Variants in PALS1 observed in about 807,000 individuals in gnomAD.
PALS1 encodes protein associated with LIN7 1, MAGUK p55 family member, also known as protein PALS1.
PALS1 carries 31 observed loss-of-function variants against 78.9 expected under a neutral mutation model. That is an observed-to-expected ratio of 0.39 (90% confidence interval 0.30 to 0.53). The LOEUF (loss-of-function observed/expected upper bound fraction) is 0.53, where lower values mean the gene tolerates loss of function less well. Ranked by LOEUF, PALS1 falls within the 20% of genes least tolerant of loss-of-function variation. The probability of loss-of-function intolerance (pLI) is 0.67; values close to 1 mark genes in which losing one functional copy is unlikely to be tolerated. For missense variants in PALS1, 704 were observed against 826.5 expected (o/e 0.85, Z 1.82); for synonymous variants, 276 against 270.9 (o/e 1.02, Z -0.18).
At chr14:67,243,865 A>G (rs1044800028) in intron 1 of PALS1, among the ~76,000 whole-genome samples, 4 of 152,176 alleles carry the variant, frequency 2.6e-5, no homozygotes, top group Admixed American at 6.5e-5. Flanking sequence ...TAGTGGTTAT[A>G]TAGTCTAACC....
At chr14:67,332,366 T>C (rs2085463593) in intron 14 of PALS1, among the ~76,000 whole-genome samples, 1 of 152,140 alleles carries the variant, frequency 6.6e-6, no homozygotes, top group Non-Finnish European at 1.5e-5. Context: ...CAAAAGTAAA[T>C]GGCATTTTAG....
chr14:67,298,098 A>T (rs892651915), intron 4 of PALS1, among the ~76,000 whole-genome samples: 2 of 152,098 alleles, frequency 1.3e-5, no homozygotes, highest in African/African-American at 4.8e-5. Flanking sequence ...GGAAAAGACG[A>T]AAGAATCAGA....
intron 1 of PALS1, among the ~76,000 whole-genome samples, chr14:67,250,063 T>G (rs1028238510): frequency 3.7e-4 from 56 of 152,212 alleles, no homozygotes; most frequent in African/African-American, 1.3e-3. Context: ...TGGTTGAGAT[T>G]CACTAGAGCG....
intron 11 of PALS1, among the ~76,000 whole-genome samples, chr14:67,318,189 G>T (rs578193224): frequency 6.6e-6 from 1 of 152,174 alleles, no homozygotes; most frequent in African/African-American, 2.4e-5. Flanking sequence ...TCCTTCTTAT[G>T]TAATTTATAA....
chr14:67,269,663 G>A (rs995292673), intron 1 of PALS1, 38 bp from the exon 2 acceptor site: 8 of 152,472 alleles, frequency 5.2e-5, no homozygotes, highest in Admixed American at 5.2e-4. Context: ...CTGCAGACAT[G>A]TACATTTGAT....
At chr14:67,307,468 T>A (rs1237247465) in intron 8 of PALS1, among the ~76,000 whole-genome samples, 1 of 152,232 alleles carries the variant, frequency 6.6e-6, no homozygotes, top group Non-Finnish European at 1.5e-5. Flanking sequence ...TTATTGATTG[T>A]TTAATACATA....
intron 1 of PALS1, among the ~76,000 whole-genome samples, chr14:67,252,839 T>G (rs1045424026): frequency 1.3e-5 from 2 of 152,250 alleles, no homozygotes; most frequent in Non-Finnish European, 2.9e-5. Context: ...TCTGTTCTAG[T>G]CATCTCCCAT....
chr14:67,317,367 A>G, intron 10 of PALS1, 41 bp from the exon 11 acceptor site: 1 of 1,498,138 alleles, frequency 6.7e-7, no homozygotes, highest in Non-Finnish European at 9.1e-7. Flanking sequence ...GGTTTTGTTC[A>G]CGGGAACACA....
chr14:67,252,972 A>G (rs1011423454), intron 1 of PALS1, among the ~76,000 whole-genome samples: 2 of 152,208 alleles, frequency 1.3e-5, no homozygotes, highest in African/African-American at 4.8e-5. Flanking sequence ...CAAAGACATA[A>G]CCATAAATGT....
intron 13 of PALS1, 83 bp from the exon 14 acceptor site, chr14:67,323,615 AATAT>A (rs150511527): frequency 1.2e-3 from 308 of 259,028 alleles, no homozygotes; most frequent in Middle Eastern, 2.8e-3. Context: ...CCCTTAATCT[AATAT>A]ATATATATAT....
At chr14:67,294,983 T>C (rs1399802651) in intron 4 of PALS1, 1 of 152,112 alleles carries the variant, frequency 6.6e-6, no homozygotes, top group South Asian at 2.1e-4. Flanking sequence ...TAGGATATTA[T>C]AGTGCTTTTA....
chr14:67,256,797 G>GACACACACACACAC lies in PALS1; in HGVS notation c.-236-12890_-236-12877dup, dbSNP rs10654145. Among the ~76,000 whole-genome samples, 1,026 of 147,762 alleles carry GACACACACACACAC rather than the reference G, an allele frequency of 6.9e-3. 20 individuals carry two copies. Among genetic ancestry groups the GACACACACACACAC allele is most frequent in the East Asian group, 0.036 (183 of 5,052 alleles). ...AGGACGAAGTGTTCCAGAAACTATT[G>GACACACACACACAC]ACACACACACACACACACACACACA... On this transcript the variant is annotated intron_variant, in intron 1 of 14. Coordinates refer to ENST00000261681, the MANE Select transcript of PALS1 (RefSeq NM_022474.4).
chr14:67,311,077 C>T (rs1488420939), intron 8 of PALS1, among the ~76,000 whole-genome samples: 1 of 151,910 alleles, frequency 6.6e-6, no homozygotes, highest in African/African-American at 2.4e-5. Flanking sequence ...TTTGGGAGGC[C>T]AAGGCAGGTG....
intron 3 of PALS1, among the ~76,000 whole-genome samples, chr14:67,288,848 G>A (rs1005669797): frequency 3.4e-4 from 51 of 151,736 alleles, no homozygotes; most frequent in African/African-American, 1.2e-3. Context: ...TTCTAATGAC[G>A]GTTTTGACTT....
intron 1 of PALS1, among the ~76,000 whole-genome samples, chr14:67,247,542 A>G (rs2084005363): frequency 6.6e-6 from 1 of 150,938 alleles, no homozygotes; most frequent in Non-Finnish European, 1.5e-5. Context: ...TTCCACTGAG[A>G]TGTCGAATAG....
chr14:67,257,380 A>G (rs1420511915), intron 1 of PALS1, among the ~76,000 whole-genome samples: 3 of 152,060 alleles, frequency 2.0e-5, no homozygotes, highest in African/African-American at 7.2e-5. Flanking sequence ...CCTTGTAGCT[A>G]TCTTATTTAG....
chr14:67,289,768 CCTTT>C (rs2084745516), intron 3 of PALS1, among the ~76,000 whole-genome samples: 4 of 95,476 alleles, frequency 4.2e-5, no homozygotes, highest in Admixed American at 2.3e-4. Flanking sequence ...TTTTCCATGT[CCTTT>C]TTTTTTTTTT....
At chr14:67,245,273 A>G (rs1020234379) in intron 1 of PALS1, among the ~76,000 whole-genome samples, 4 of 152,200 alleles carry the variant, frequency 2.6e-5, no homozygotes, top group African/African-American at 7.2e-5. Context: ...TTCCACCAGC[A>G]ATATATGAGA....
chr14:67,258,870 C>G (rs1384874865), intron 1 of PALS1, among the ~76,000 whole-genome samples: 1 of 152,066 alleles, frequency 6.6e-6, no homozygotes, highest in Non-Finnish European at 1.5e-5. Context: ...GAGATGGAGT[C>G]TCTCTCTGTT....
Sources: allele counts gnomAD v4.1 joint callset (sites outside exome capture counted in the v4.1 genomes callset), GRCh38; gene constraint gnomAD v4.1.1; transcripts MANE v1.5; gene names NCBI Gene and HGNC (gene_info 2026-07-23, HGNC 2026-07-21).